The following RFX3 variants were observed in gnomAD, a reference collection of about 807,000 sequenced individuals.
The protein encoded by RFX3 is regulatory factor X3, also known as transcription factor RFX3.
In RFX3, 14 loss-of-function variants were observed where a neutral mutation model predicts 98.6. That is an observed-to-expected ratio of 0.14 (90% CI 0.09 to 0.22). The LOEUF is 0.22. Among genes scored for constraint, RFX3 ranks in the 10% least tolerant of loss-of-function variants. The probability of loss-of-function intolerance (pLI) is 1.00; values close to 1 mark genes in which losing one functional copy is unlikely to be tolerated. For missense variants in RFX3, 639 were observed against 926.9 expected (o/e 0.69, Z 4.03); for synonymous variants, 383 against 328.4 (o/e 1.17, Z -1.80).
In RFX3 at chr9:3,266,313, T is replaced by G. The variant is rs1360500576; in HGVS notation, c.1358-8A>C. On this transcript the variant is annotated splice_region_variant and splice_polypyrimidine_tract_variant and intron_variant, in intron 11 of 16. Coordinates refer to ENST00000617270, the MANE Select transcript of RFX3 (RefSeq NM_001282116.2). ...TGGCTTGGGTCAAGGCACCTAAACA[T>G]TAAAGAATAAAAGCAGGATAAAAAA... 1.9e-6 allele frequency: 3 copies of G among 1,581,902 alleles called. No homozygotes were observed. Among genetic ancestry groups the G allele is most frequent in the Non-Finnish European group, 2.6e-6 (3 of 1,154,084 alleles).
At chr9:3,400,871 T>C (rs993802260) in intron 1 of RFX3, among the ~76,000 whole-genome samples, 2 of 152,178 alleles carry the variant, frequency 1.3e-5, no homozygotes, top group African/African-American at 4.8e-5. Context: ...ATGGATTAAA[T>C]AACTTGCCAA....
At chr9:3,370,249 T>C (rs1230980599) in intron 2 of RFX3, among the ~76,000 whole-genome samples, 1 of 150,626 alleles carries the variant, frequency 6.6e-6, no homozygotes, top group African/African-American at 2.4e-5. Flanking sequence ...ACATAGGTAA[T>C]ATATAGGGTT....
chr9:3,287,134 A>AAG (rs1586886921), intron 7 of RFX3, among the ~76,000 whole-genome samples: 2 of 151,888 alleles, frequency 1.3e-5, no homozygotes, highest in East Asian at 3.9e-4. Flanking sequence ...GCTTAACATC[A>AAG]GTATTGGCTG....
At chr9:3,336,945 T>C (rs1020816491) in intron 3 of RFX3, among the ~76,000 whole-genome samples, 12 of 152,242 alleles carry the variant, frequency 7.9e-5, no homozygotes, top group African/African-American at 2.9e-4. Flanking sequence ...TGTATGTGTG[T>C]ACTTACCAGA....
intron 2 of RFX3, among the ~76,000 whole-genome samples, chr9:3,384,415 A>G (rs1839496155): frequency 6.6e-6 from 1 of 152,240 alleles, no homozygotes; most frequent in Non-Finnish European, 1.5e-5. Flanking sequence ...CTTCTCAAAT[A>G]CAAGCACAGG....
intron 15 of RFX3, among the ~76,000 whole-genome samples, chr9:3,240,101 C>A (rs927263957): frequency 6.6e-6 from 1 of 152,210 alleles, no homozygotes; most frequent in Non-Finnish European, 1.5e-5. Context: ...GCTGGCGACA[C>A]GGGCTGGCTA....
intron 1 of RFX3, among the ~76,000 whole-genome samples, chr9:3,468,765 T>C (rs1180702933): frequency 6.0e-5 from 9 of 150,346 alleles, no homozygotes; most frequent in Admixed American, 6.7e-5. Flanking sequence ...AACATTAGCC[T>C]TGGACAACTG....
chr9:3,397,226 T>C (rs1484104089), intron 1 of RFX3, among the ~76,000 whole-genome samples: 1 of 152,214 alleles, frequency 6.6e-6, no homozygotes, highest in Non-Finnish European at 1.5e-5. Context: ...TTACTACTTA[T>C]GCATTCAATA....
intron 16 of RFX3, among the ~76,000 whole-genome samples, chr9:3,227,728 T>C (rs1817947970): frequency 6.6e-6 from 1 of 152,234 alleles, no homozygotes. Flanking sequence ...CCACCTTTCT[T>C]GCTCTAAAAT....
chr9:3,252,606 G>C (rs1302338674), intron 14 of RFX3, among the ~76,000 whole-genome samples: 1 of 152,152 alleles, frequency 6.6e-6, no homozygotes, highest in African/African-American at 2.4e-5. Flanking sequence ...TAATGTGGTA[G>C]GAAGGCAGTG....
At chr9:3,360,149 G>A (rs933134319) in intron 2 of RFX3, among the ~76,000 whole-genome samples, 4 of 152,022 alleles carry the variant, frequency 2.6e-5, no homozygotes, top group African/African-American at 9.7e-5. Context: ...AGCACTTAGA[G>A]AAGAGATAAT....
chr9:3,453,945 T>C (rs115939605), intron 1 of RFX3, among the ~76,000 whole-genome samples: 3,729 of 152,230 alleles, frequency 0.024, 85 homozygotes, highest in African/African-American at 0.051. Flanking sequence ...CACATTTAAC[T>C]TGGGCATCAG....
intron 1 of RFX3, among the ~76,000 whole-genome samples, chr9:3,507,260 T>C (rs1212044315): frequency 6.6e-6 from 1 of 151,826 alleles, no homozygotes; most frequent in Admixed American, 6.6e-5. Context: ...AAGAGATTAA[T>C]TGAAGTAGGG....
At chr9:3,479,147 G>C (rs1320380364) in intron 1 of RFX3, among the ~76,000 whole-genome samples, 2 of 152,158 alleles carry the variant, frequency 1.3e-5, no homozygotes, top group Non-Finnish European at 2.9e-5. Flanking sequence ...AAATATCGCA[G>C]ACCCCACTGG....
chr9:3,275,818 A>G (rs967895738), intron 8 of RFX3, among the ~76,000 whole-genome samples: 2 of 152,134 alleles, frequency 1.3e-5, no homozygotes, highest in African/African-American at 4.8e-5. Flanking sequence ...GAACATTCTT[A>G]AGAATTTTCT....
intron 1 of RFX3, among the ~76,000 whole-genome samples, chr9:3,455,014 A>G (rs1033185805): frequency 2.6e-5 from 4 of 152,102 alleles, no homozygotes; most frequent in African/African-American, 9.7e-5. Flanking sequence ...CATTTCTTGC[A>G]GCACAATGCC....
intron 12 of RFX3, among the ~76,000 whole-genome samples, chr9:3,264,484 C>T (rs1823357637): frequency 6.6e-6 from 1 of 152,018 alleles, no homozygotes; most frequent in Non-Finnish European, 1.5e-5. Flanking sequence ...GCTCATACGT[C>T]CTCAAAAAAG....
intron 1 of RFX3, among the ~76,000 whole-genome samples, chr9:3,519,161 T>C (rs1818460885): frequency 6.6e-6 from 1 of 152,174 alleles, no homozygotes; most frequent in Non-Finnish European, 1.5e-5. Context: ...GTTCTTAATC[T>C]AAAATCCTTT....
In RFX3 at chr9:3,467,150, T is replaced by C. The variant is rs1041513038; in HGVS notation, c.-9+58597A>G. Among the ~76,000 whole-genome samples the C allele has an allele frequency of 1.8e-4, 24 of 133,784 alleles. No individual in the cohort carries two copies. The South Asian group carries it at 3.4e-3, about 19-fold the overall frequency. The allele number at this position is 133,784 out of a possible 152,430, so 87.8% of individuals were successfully genotyped here. A position where few individuals can be genotyped will look rare whatever the true frequency, so the allele number is the denominator to read the frequency against. On this transcript the variant is annotated intron_variant, in intron 1 of 16. Transcript: ENST00000617270. ...TGTAAGTATATATGTATATACATAA[T>C]ATATATGTATATACGTATATAATGT...
Sources: allele counts gnomAD v4.1 joint callset (sites outside exome capture counted in the v4.1 genomes callset), GRCh38; gene constraint gnomAD v4.1.1; transcripts MANE v1.5; gene names NCBI Gene and HGNC (gene_info 2026-07-23, HGNC 2026-07-21).